The following MAGI1 variants were observed in gnomAD, a reference collection of about 807,000 sequenced individuals.
MAGI1 encodes membrane associated guanylate kinase, WW and PDZ domain containing 1, also known as membrane-associated guanylate kinase, WW and PDZ domain-containing protein 1.
A neutral mutation model predicts 139.9 loss-of-function variants in MAGI1; 58 were observed. The observed-to-expected ratio is 0.41, with a 90% CI of 0.34 to 0.52. The LOEUF (loss-of-function observed/expected upper bound fraction) is 0.52, where lower values mean the gene tolerates loss of function less well. MAGI1 is among the 20% of genes least tolerant of loss of function. MAGI1 has a pLI of 0.12. For synonymous variants in MAGI1, 812 were observed against 737.9 expected (o/e 1.10, Z -1.63); for missense variants, 1,874 against 1,901.6 (o/e 0.99, Z 0.27).
intron 2 of MAGI1, among the ~76,000 whole-genome samples, chr3:65,568,818 G>C (rs1484953946): frequency 6.6e-6 from 1 of 152,172 alleles, no homozygotes; most frequent in African/African-American, 2.4e-5. Flanking sequence ...AAAGAGGTCT[G>C]TCATTTTATT....
intron 6 of MAGI1, among the ~76,000 whole-genome samples, chr3:65,448,456 G>T (rs1479205635): frequency 6.6e-6 from 1 of 152,044 alleles, no homozygotes; most frequent in Non-Finnish European, 1.5e-5. Context: ...CCTCTAATCA[G>T]TGAGGCAATT....
chr3:65,597,974 C>T (rs2082305498), intron 2 of MAGI1: 2 of 451,270 alleles, frequency 4.4e-6, no homozygotes, highest in South Asian at 3.1e-5. Flanking sequence ...GGGGGCGCCT[C>T]GGCCACCTGA....
At chr3:65,903,349 A>T (rs980425438) in intron 1 of MAGI1, among the ~76,000 whole-genome samples, 2 of 152,126 alleles carry the variant, frequency 1.3e-5, no homozygotes, top group African/African-American at 4.8e-5. Flanking sequence ...AGTCCTGGGT[A>T]TGTATCCTGG....
chr3:65,465,064 C>G (rs1182969490), intron 5 of MAGI1, among the ~76,000 whole-genome samples: 2 of 149,642 alleles, frequency 1.3e-5, no homozygotes, highest in Admixed American at 1.3e-4. Flanking sequence ...ACCGCTTTGA[C>G]TGAAGTAGAT....
chr3:65,598,515 C>A (rs527261925), intron 2 of MAGI1, among the ~76,000 whole-genome samples: 1 of 152,140 alleles, frequency 6.6e-6, no homozygotes, highest in Non-Finnish European at 1.5e-5. Flanking sequence ...GGAAGGAATT[C>A]CAATAGATAA....
intron 1 of MAGI1, among the ~76,000 whole-genome samples, chr3:65,725,190 A>T (rs1576897222): frequency 2.0e-5 from 3 of 152,170 alleles, no homozygotes; most frequent in Non-Finnish European, 4.4e-5. Flanking sequence ...CATTCAATTG[A>T]AGTAGGACAG....
chr3:65,500,453 G>T (rs1411305654), intron 2 of MAGI1, among the ~76,000 whole-genome samples: 2 of 152,178 alleles, frequency 1.3e-5, no homozygotes, highest in Non-Finnish European at 2.9e-5. Flanking sequence ...TCATAAACTT[G>T]CAGTGTATCT....
chr3:65,499,056 C>T, intron 2 of MAGI1: 1 of 955,238 alleles, frequency 1.0e-6, no homozygotes, highest in Non-Finnish European at 1.2e-6. Context: ...AAGAAAACCG[C>T]TCTTAAAAAA....
chr3:65,603,991 C>T (rs1199097771), intron 2 of MAGI1, among the ~76,000 whole-genome samples: 1 of 152,214 alleles, frequency 6.6e-6, no homozygotes, highest in Non-Finnish European at 1.5e-5. Context: ...TCTCTTACTA[C>T]ATATTGGCCA....
chr3:65,851,335 A>G (rs1445973188), intron 1 of MAGI1, among the ~76,000 whole-genome samples: 1 of 152,214 alleles, frequency 6.6e-6, no homozygotes, highest in Non-Finnish European at 1.5e-5. Flanking sequence ...ATTATCTTGC[A>G]GATCTCTTGA....
intron 1 of MAGI1, among the ~76,000 whole-genome samples, chr3:65,909,948 C>G (rs564366034): frequency 6.6e-6 from 1 of 152,098 alleles, no homozygotes; most frequent in Non-Finnish European, 1.5e-5. Flanking sequence ...TCATAAGGAG[C>G]GCACAACTAG....
chr3:65,451,576 C>T (rs752855843), intron 6 of MAGI1, among the ~76,000 whole-genome samples: 1 of 152,154 alleles, frequency 6.6e-6, no homozygotes, highest in Non-Finnish European at 1.5e-5. Flanking sequence ...ATCCAAAATG[C>T]TCCAGTGAAC....
At chr3:65,680,896 T>A (rs2087549564) in intron 1 of MAGI1, among the ~76,000 whole-genome samples, 2 of 152,128 alleles carry the variant, frequency 1.3e-5, no homozygotes, top group African/African-American at 4.8e-5. Context: ...GAAAATATAG[T>A]GTGAGTTTTT....
chr3:65,713,733 C>G (rs1411263668), intron 1 of MAGI1, among the ~76,000 whole-genome samples: 2 of 152,152 alleles, frequency 1.3e-5, no homozygotes, highest in Non-Finnish European at 1.5e-5. Flanking sequence ...TTGTGTGTGC[C>G]TACTACGTCA....
At chr3:65,482,713 G>C (rs1174140326) in intron 3 of MAGI1, among the ~76,000 whole-genome samples, 1 of 152,168 alleles carries the variant, frequency 6.6e-6, no homozygotes, top group African/African-American at 2.4e-5. Context: ...CTGTCTAGTG[G>C]TTTTCTAACT....
intron 1 of MAGI1, among the ~76,000 whole-genome samples, chr3:65,922,529 G>A (rs1477208528): frequency 6.6e-6 from 1 of 152,178 alleles, no homozygotes; most frequent in Non-Finnish European, 1.5e-5. Context: ...GAAACCACCA[G>A]AAGCTAGAAA....
At chr3:65,403,213 G>A (rs1945050450) in intron 12 of MAGI1, among the ~76,000 whole-genome samples, 1 of 151,982 alleles carries the variant, frequency 6.6e-6, no homozygotes, top group African/African-American at 2.4e-5. Flanking sequence ...CTCCTACCTG[G>A]CACAGAGGAG....
rs1333026099 is a variant in MAGI1 at position 65,379,105 on chromosome 3, A to C, written c.2995+156T>G. ...AACCTTCAAAAGGGAAAAAGCTACCAAATCAACTCCATCTCCAATTAAGTC... is the reference window on the plus strand; with the variant it reads ...AACCTTCAAAAGGGAAAAAGCTACCCAATCAACTCCATCTCCAATTAAGTC... On this transcript the variant is annotated intron_variant, in intron 17 of 22. Transcript: ENST00000402939. The C allele has an allele frequency of 1.1e-5, 17 of 1,478,696 alleles. No individual in the cohort carries two copies. The Admixed American group carries it at 2.7e-4, about 23-fold the overall frequency. 91.6% of individuals were successfully genotyped at this position (1,478,696 alleles called of 1,614,324 possible).
chr3:65,973,919 G>C (rs1302818831), intron 1 of MAGI1, among the ~76,000 whole-genome samples: 1 of 152,014 alleles, frequency 6.6e-6, no homozygotes, highest in Non-Finnish European at 1.5e-5. Flanking sequence ...TCCACTTAAA[G>C]CATTACATAA....
Sources: gnomAD v4.1 joint callset for allele counts (sites outside exome capture counted in the v4.1 genomes callset) on GRCh38, gnomAD v4.1.1 for gene constraint, MANE v1.5 for transcripts, NCBI Gene and HGNC (gene_info 2026-07-23, HGNC 2026-07-21) for gene names.